Variants in CCT6B observed in about 807,000 individuals in gnomAD.
The protein encoded by CCT6B is chaperonin containing TCP1 subunit 6B, also known as probable T-complex protein 1 subunit zeta-2.
CCT6B carries 49 observed loss-of-function variants against 61.5 expected under a neutral mutation model. The observed-to-expected ratio is 0.80, with a 90% CI of 0.63 to 1.01. The LOEUF (loss-of-function observed/expected upper bound fraction) is 1.01. Among genes scored for constraint, CCT6B ranks in the 50% least tolerant of loss-of-function variants. CCT6B has a pLI of 0.00. For synonymous variants in CCT6B, 228 were observed against 214.5 expected, an observed-to-expected ratio of 1.06 and a Z score of -0.55; for missense variants, 666 against 634.7, an observed-to-expected ratio of 1.05 and a Z score of -0.53.
intron 10 of CCT6B, among the ~76,000 whole-genome samples, chr17:34,937,966 G>A (rs947579722): frequency 6.6e-6 from 1 of 150,666 alleles, no homozygotes; most frequent in Non-Finnish European, 1.5e-5. Flanking sequence ...ATAGCTCACT[G>A]TAACCTCAGA....
At chr17:34,955,031 T>C (rs2090333084) in intron 3 of CCT6B, among the ~76,000 whole-genome samples, 1 of 152,204 alleles carries the variant, frequency 6.6e-6, no homozygotes, top group South Asian at 2.1e-4. Context: ...CCTGCTGACA[T>C]GATGCATTCA....
chr17:34,931,262 G>A (rs983298414), intron 11 of CCT6B, among the ~76,000 whole-genome samples: 4 of 151,632 alleles, frequency 2.6e-5, no homozygotes, highest in Non-Finnish European at 5.9e-5. Context: ...CCCTATGCAC[G>A]TCACACTAAA....
intron 2 of CCT6B, among the ~76,000 whole-genome samples, chr17:34,959,075 A>AAAG (rs2090380585): frequency 6.6e-6 from 1 of 151,722 alleles, no homozygotes; most frequent in Non-Finnish European, 1.5e-5. Context: ...CTAAGTATAC[A>AAAG]AAGTATGTAT....
intron 5 of CCT6B, among the ~76,000 whole-genome samples, chr17:34,945,981 A>G (rs931278736): frequency 6.6e-6 from 1 of 152,230 alleles, no homozygotes; most frequent in Non-Finnish European, 1.5e-5. Flanking sequence ...ATGAGAAGAA[A>G]ACAGAATGAA....
chr17:34,935,593 G>A (rs2142141039), intron 10 of CCT6B, among the ~76,000 whole-genome samples: 1 of 152,212 alleles, frequency 6.6e-6, no homozygotes, highest in East Asian at 1.9e-4. Context: ...CAGTGGCTCA[G>A]GCTTGTAATC....
intron 1 of CCT6B, 76 bp from the exon 2 acceptor site, chr17:34,959,726 T>C (rs2090390676): frequency 9.9e-7 from 1 of 1,011,164 alleles, no homozygotes; most frequent in Non-Finnish European, 1.6e-6. Context: ...TTATCCTTAA[T>C]AGAGGGAACT....
At chr17:34,957,676 T>C (rs569592383) in intron 3 of CCT6B, among the ~76,000 whole-genome samples, 26 of 152,300 alleles carry the variant, frequency 1.7e-4, no homozygotes, top group African/African-American at 4.8e-4. Flanking sequence ...ACTGAATTAA[T>C]AGAAAATTCC....
intron 5 of CCT6B, among the ~76,000 whole-genome samples, chr17:34,945,342 C>T (rs911045450): frequency 6.6e-6 from 1 of 152,180 alleles, no homozygotes; most frequent in Non-Finnish European, 1.5e-5. Context: ...CATATGGATG[C>T]CTAATAGGCA....
chr17:34,946,228 G>T (rs972798056), intron 5 of CCT6B, among the ~76,000 whole-genome samples: 3 of 152,162 alleles, frequency 2.0e-5, no homozygotes, highest in African/African-American at 7.2e-5. Flanking sequence ...TCTGCAGAAA[G>T]GCAGCTTCAT....
At chr17:34,958,128 G>A (rs1381175143) in intron 3 of CCT6B, among the ~76,000 whole-genome samples, 1 of 152,034 alleles carries the variant, frequency 6.6e-6, no homozygotes, top group Non-Finnish European at 1.5e-5. Context: ...ATTTATAATT[G>A]TCCAAGAATA....
intron 13 of CCT6B, among the ~76,000 whole-genome samples, chr17:34,928,566 C>G (rs2089995827): frequency 6.6e-6 from 1 of 152,238 alleles, no homozygotes; most frequent in African/African-American, 2.4e-5. Context: ...AGCCACCGCA[C>G]TGGCCCAAAT....
Position 34,954,358 on chromosome 17 carries a change from CAGAAAA to C in CCT6B, c.510+62_510+67del, listed in dbSNP as rs1229006665. On this transcript the variant is annotated intron_variant, in intron 4 of 13. Coordinates refer to ENST00000314144, the MANE Select transcript of CCT6B (RefSeq NM_006584.4). ...CCACATGAAATACTTGATTATCTTA[CAGAAAA>C]AGAAAAATATCACCATGCATTAGGC... 3.1e-6 allele frequency: 4 copies of C among 1,282,186 alleles called. No homozygotes were observed. In the African/African-American group the frequency reaches 4.5e-5, roughly 15 times the overall value. The allele number at this position is 1,282,186 out of a possible 1,614,324, so 79.4% of individuals were successfully genotyped here.
At chr17:34,937,719 C>G (rs1163695205) in intron 10 of CCT6B, among the ~76,000 whole-genome samples, 1 of 152,024 alleles carries the variant, frequency 6.6e-6, no homozygotes, top group African/African-American at 2.4e-5. Context: ...TAGACTTCAT[C>G]AAAATTAAGA....
Position 34,949,542 on chromosome 17 carries a change from GC to G in CCT6B, c.614+2407del, listed in dbSNP as rs1377693318. 7.9e-5 allele frequency: 12 copies of G among 151,136 alleles called. No individual in the cohort carries two copies. In the East Asian group the frequency reaches 2.3e-3, roughly 29 times the overall value. The allele number at this position is 151,136 out of a possible 1,614,324, so 9.4% of individuals were successfully genotyped here. On this transcript the variant is annotated intron_variant, in intron 5 of 13. Coordinates refer to ENST00000314144, the MANE Select transcript of CCT6B (RefSeq NM_006584.4). ...GAGGGAGGGAAAGGAAGGAAGGAAG[GC>G]AGGAAGGAAGGAAGCTAGCTAGCTG...
At chr17:34,954,931 A>G (rs1016703619) in intron 3 of CCT6B, among the ~76,000 whole-genome samples, 6 of 152,198 alleles carry the variant, frequency 3.9e-5, no homozygotes, top group African/African-American at 1.2e-4. Context: ...TGAATTGGGG[A>G]AAAGTGGCAG....
Position 34,932,520 on chromosome 17 carries a change from TG to T in CCT6B, c.1214-21del. 4 of 1,578,232 alleles carry T rather than the reference TG, an allele frequency of 2.5e-6. No individual in the cohort carries two copies. Among genetic ancestry groups the T allele is most frequent in the Non-Finnish European group, 3.4e-6 (4 of 1,168,230 alleles). Reference sequence around the variant, plus strand: ...TACAACCTATTGGAGAGAAAAAATATGATTGGCAAGACATGCCATAAAGACC... The same window carrying T: ...TACAACCTATTGGAGAGAAAAAATATATTGGCAAGACATGCCATAAAGACC... On this transcript the variant is annotated intron_variant, in intron 10 of 13. Coordinates refer to ENST00000314144, the MANE Select transcript of CCT6B (RefSeq NM_006584.4).
At position 34,929,018 on chromosome 17, in the gene CCT6B, T is replaced by C; in HGVS notation, c.1467A>G (p.Ala489=). Residue 489 remains alanine (A), a synonymous_variant, in exon 13 of 14, where the codon GCA becomes GCG. Transcript: ENST00000314144. ...VDLNTGEPMV[A]ADAGVWDNYC... ...AATTATCCCAAACTCCTGCATCTGC[T>C]GCTACCATTGGCTCACCTGAAAAGT... 1.2e-6 allele frequency: 2 copies of C among 1,608,096 alleles called. No homozygotes were observed. Among genetic ancestry groups the C allele is most frequent in the Non-Finnish European group, 1.7e-6 (2 of 1,175,502 alleles).
In CCT6B at chr17:34,959,536, C is replaced by A. The variant is rs1308762720; in HGVS notation, c.201+51G>T. The A allele has an allele frequency of 2.3e-6, 3 of 1,280,086 alleles. No individual in the cohort carries two copies. The Middle Eastern group carries it at 5.5e-4, about 235-fold the overall frequency. 79.3% of individuals were successfully genotyped at this position (1,280,086 alleles called of 1,614,324 possible). A position where few individuals can be genotyped will look rare whatever the true frequency, so the allele number is the denominator to read the frequency against. On this transcript the variant is annotated intron_variant, in intron 2 of 13. Coordinates refer to ENST00000314144, the MANE Select transcript of CCT6B (RefSeq NM_006584.4). The stretch of plus-strand genomic sequence containing the variant: ...TTAAAGATACACAAGTTCTACTATG[C>A]TTCTAATTAAGGCTTATTAAGGTTT...
chr17:34,939,432 G>C, intron 9 of CCT6B, 102 bp from the exon 10 acceptor site: 5 of 1,023,152 alleles, frequency 4.9e-6, no homozygotes, highest in Non-Finnish European at 7.2e-6. Context: ...TTCTTATCAA[G>C]CATAACTAAG....
Sources: gnomAD v4.1 joint callset for allele counts (sites outside exome capture counted in the v4.1 genomes callset) on GRCh38, gnomAD v4.1.1 for gene constraint, MANE v1.5 for transcripts, NCBI Gene and HGNC (gene_info 2026-07-23, HGNC 2026-07-21) for gene names.